The following CRPPA variants were observed in gnomAD, a reference collection of about 807,000 sequenced individuals.
CRPPA encodes CDP-L-ribitol pyrophosphorylase A, also known as D-ribitol-5-phosphate cytidylyltransferase.
CRPPA carries 43 observed loss-of-function variants against 52.0 expected under a neutral mutation model. That is an observed-to-expected ratio of 0.83 (90% CI 0.65 to 1.07). The LOEUF is 1.07. Among genes scored for constraint, CRPPA ranks in the 50% least tolerant of loss-of-function variants. The probability of loss-of-function intolerance (pLI) is 0.00; values close to 1 mark genes in which losing one functional copy is unlikely to be tolerated. For synonymous variants in CRPPA, 250 were observed against 203.5 expected (o/e 1.23, Z -1.94); for missense variants, 629 against 551.7 (o/e 1.14, Z -1.40).
rs1193401192 is a variant in CRPPA, at chr7:16,198,337, GC to G, written c.1251+17728del. Among the ~76,000 whole-genome samples the G allele has an allele frequency of 6.1e-5, 3 of 49,054 alleles. No individual in the cohort carries two copies. The East Asian group carries it at 2.3e-3, about 38-fold the overall frequency. The allele number at this position is 49,054 out of a possible 152,430, so 32.2% of individuals were successfully genotyped here. On this transcript the variant is annotated intron_variant, in intron 9 of 9. Coordinates refer to ENST00000407010, the MANE Select transcript of CRPPA (RefSeq NM_001101426.4). Reference sequence around the variant, plus strand: ...GGTGGGACCTGCGGGCAGCAATACTGCTTTGTAAAGCACTGAGATGTTTATA... The same window carrying G: ...GGTGGGACCTGCGGGCAGCAATACTGTTTGTAAAGCACTGAGATGTTTATA...
At chr7:16,372,917 A>G (rs1268494364) in intron 3 of CRPPA, among the ~76,000 whole-genome samples, 1 of 152,252 alleles carries the variant, frequency 6.6e-6, no homozygotes, top group Non-Finnish European at 1.5e-5. Flanking sequence ...AAAGGGATAC[A>G]TGATAGATGC....
chr7:16,389,928 A>AAAAAAAAAAAAAAAAATATAT, intron 2 of CRPPA, among the ~76,000 whole-genome samples: 6 of 29,758 alleles, frequency 2.0e-4, no homozygotes, highest in African/African-American at 8.6e-4. Flanking sequence ...AAAAAAAAAA[A>AAAAAAAAAAAAAAAAATATAT]ATATATATAT....
intron 9 of CRPPA, among the ~76,000 whole-genome samples, chr7:16,194,121 C>A (rs2128391366): frequency 6.6e-6 from 1 of 152,206 alleles, no homozygotes; most frequent in East Asian, 1.9e-4. Flanking sequence ...ACAGATGAGA[C>A]AAAGAGGCTT....
At chr7:16,104,222 A>G (rs1462071110) in intron 9 of CRPPA, among the ~76,000 whole-genome samples, 1 of 152,216 alleles carries the variant, frequency 6.6e-6, no homozygotes, top group Non-Finnish European at 1.5e-5. Context: ...TGAATAGAGT[A>G]GTGCCAATTT....
At chr7:16,095,568 T>A (rs1332894948) in intron 9 of CRPPA, among the ~76,000 whole-genome samples, 1 of 152,236 alleles carries the variant, frequency 6.6e-6, no homozygotes, top group Non-Finnish European at 1.5e-5. Context: ...GGAAAACTTA[T>A]GTGAGAATAT....
At position 16,091,604 on chromosome 7, in the gene CRPPA, A is replaced by C. The variant is rs1781838073; in HGVS notation, c.*91T>G. On this transcript the variant is annotated 3_prime_UTR_variant, in exon 10 of 10. Coordinates refer to ENST00000407010, the MANE Select transcript of CRPPA (RefSeq NM_001101426.4). Reference sequence around the variant, plus strand: ...ATAGAGAAGATATAAAAGACAACTGAAACATTCTACCACACACAGCAGCGG... The same window carrying C: ...ATAGAGAAGATATAAAAGACAACTGCAACATTCTACCACACACAGCAGCGG... 1.5e-6 allele frequency: 1 copy of C among 680,252 alleles called. No individual in the cohort carries two copies. Among genetic ancestry groups the C allele is most frequent in the Non-Finnish European group, 2.5e-6 (1 of 398,802 alleles). The allele number at this position is 680,252 out of a possible 1,614,324, so 42.1% of individuals were successfully genotyped here. A position where few individuals can be genotyped will look rare whatever the true frequency, so the allele number is the denominator to read the frequency against.
At chr7:16,389,928 A>AAATATATATAT in intron 2 of CRPPA, among the ~76,000 whole-genome samples, 4 of 29,760 alleles carry the variant, frequency 1.3e-4, no homozygotes, top group African/African-American at 6.9e-4. Context: ...AAAAAAAAAA[A>AAATATATATAT]ATATATATAT....
intron 9 of CRPPA, among the ~76,000 whole-genome samples, chr7:16,151,840 T>C (rs1361875755): frequency 1.3e-5 from 2 of 152,012 alleles, no homozygotes; most frequent in African/African-American, 4.8e-5. Flanking sequence ...TAGTAAATAT[T>C]GTAGGAAATT....
At chr7:16,364,032 T>C (rs1056359062) in intron 3 of CRPPA, among the ~76,000 whole-genome samples, 1 of 152,212 alleles carries the variant, frequency 6.6e-6, no homozygotes, top group Non-Finnish European at 1.5e-5. Flanking sequence ...GAATGAATTA[T>C]ACTATCTTCA....
chr7:16,299,688 G>C (rs1188196430), intron 5 of CRPPA, among the ~76,000 whole-genome samples: 1 of 152,172 alleles, frequency 6.6e-6, no homozygotes, highest in Admixed American at 6.5e-5. Flanking sequence ...AGGCAGGTCA[G>C]ATTTATCTTT....
chr7:16,173,960 A>C (rs149561803), intron 9 of CRPPA, among the ~76,000 whole-genome samples: 2,053 of 152,296 alleles, frequency 0.013, 51 homozygotes, highest in African/African-American at 0.047. Flanking sequence ...ATTCTTACCT[A>C]AAACAACATA....
At chr7:16,174,513 A>G (rs938913920) in intron 9 of CRPPA, among the ~76,000 whole-genome samples, 3 of 152,192 alleles carry the variant, frequency 2.0e-5, no homozygotes, top group Non-Finnish European at 2.9e-5. Context: ...CATGCAAAAA[A>G]TCCACTTCCA....
At chr7:16,100,796 C>A (rs562392441) in intron 9 of CRPPA, among the ~76,000 whole-genome samples, 1 of 152,018 alleles carries the variant, frequency 6.6e-6, no homozygotes, top group African/African-American at 2.4e-5. Context: ...GTTTGTCATA[C>A]GTAGCTCTTA....
At chr7:16,289,321 T>C (rs1050382139) in intron 5 of CRPPA, among the ~76,000 whole-genome samples, 1 of 152,026 alleles carries the variant, frequency 6.6e-6, no homozygotes, top group African/African-American at 2.4e-5. Context: ...CTCCAGGAAA[T>C]TGAAGAGAAG....
At chr7:16,195,955 G>A (rs1781723100) in intron 9 of CRPPA, among the ~76,000 whole-genome samples, 1 of 152,096 alleles carries the variant, frequency 6.6e-6, no homozygotes, top group Admixed American at 6.6e-5. Context: ...AAGCCAAAGA[G>A]AGAAGATGGG....
At chr7:16,157,155 G>A (rs1224524058) in intron 9 of CRPPA, among the ~76,000 whole-genome samples, 1 of 150,914 alleles carries the variant, frequency 6.6e-6, no homozygotes, top group East Asian at 1.9e-4. Context: ...TGAGGCATTG[G>A]GAAATCTTTC....
At chr7:16,319,380 T>C (rs899156543) in intron 3 of CRPPA, among the ~76,000 whole-genome samples, 1 of 152,098 alleles carries the variant, frequency 6.6e-6, no homozygotes, top group African/African-American at 2.4e-5. Context: ...TCAGCCATCA[T>C]CCTAGGAACT....
chr7:16,150,585 A>T (rs1414647697), intron 9 of CRPPA, among the ~76,000 whole-genome samples: 1 of 152,188 alleles, frequency 6.6e-6, no homozygotes, highest in Non-Finnish European at 1.5e-5. Flanking sequence ...TTAGAATTAA[A>T]AAACACTACC....
intron 9 of CRPPA, among the ~76,000 whole-genome samples, chr7:16,184,500 T>G (rs979423096): frequency 3.9e-5 from 6 of 152,204 alleles, no homozygotes; most frequent in Non-Finnish European, 2.9e-5. Context: ...CACTATGAAC[T>G]AAATATCTAA....
Sources: gnomAD v4.1 joint callset for allele counts (sites outside exome capture counted in the v4.1 genomes callset) on GRCh38, gnomAD v4.1.1 for gene constraint, MANE v1.5 for transcripts, NCBI Gene and HGNC (gene_info 2026-07-23, HGNC 2026-07-21) for gene names.